The following RHBDD1 variants were observed in gnomAD, a reference collection of about 807,000 sequenced individuals.
RHBDD1 encodes rhomboid domain containing 1.
In RHBDD1, 38 loss-of-function variants were observed where a neutral mutation model predicts 36.3. The observed-to-expected ratio is 1.05, with a 90% CI of 0.81 to 1.37. RHBDD1 has a LOEUF of 1.37. Ranked by LOEUF, RHBDD1 falls within the 40% of genes most tolerant of loss-of-function variation. The pLI is 0.00. For synonymous variants in RHBDD1, 151 were observed against 136.5 expected, an observed-to-expected ratio of 1.11 and a Z score of -0.74; for missense variants, 393 against 377.6, an observed-to-expected ratio of 1.04 and a Z score of -0.34.
At chr2:226,970,046 C>T (rs1191770865) in intron 8 of RHBDD1, among the ~76,000 whole-genome samples, 2 of 130,820 alleles carry the variant, frequency 1.5e-5, no homozygotes, top group African/African-American at 2.9e-5. Context: ...CTGGTCACAT[C>T]GTCATCCCAG....
At position 226,969,213 on chromosome 2, in the gene RHBDD1, CAGAG is replaced by C. The variant is rs542918880; in HGVS notation, c.857-26215_857-26212del. On this transcript the variant is annotated intron_variant, in intron 8 of 8. Transcript: ENST00000392062. ...TAAAAACCGAAGGCTCGGCCGGTAA[CAGAG>C]AGCCTGATTGTTGCAGACTTTGTCT... 5.9e-5 allele frequency: 9 copies of C among 152,196 alleles called. No homozygotes were observed. In the South Asian group the frequency reaches 1.2e-3, roughly 21 times the overall value. 9.4% of individuals were successfully genotyped at this position (152,196 alleles called of 1,614,324 possible).
chr2:226,807,120 A>G, the RHBDD1 span, among the ~76,000 whole-genome samples: 1 of 152,236 alleles, frequency 6.6e-6, no homozygotes, highest in Non-Finnish European at 1.5e-5. Context: ...AATTAAGAAC[A>G]CTGAATGTGA....
chr2:226,898,187 A>T (rs901858247), intron 5 of RHBDD1, among the ~76,000 whole-genome samples: 1 of 152,166 alleles, frequency 6.6e-6, no homozygotes, highest in African/African-American at 2.4e-5. Flanking sequence ...TTTGGAGGGG[A>T]CAAACCTCAA....
intron 8 of RHBDD1, among the ~76,000 whole-genome samples, chr2:226,933,142 C>G (rs537097465): frequency 2.6e-5 from 4 of 152,128 alleles, no homozygotes; most frequent in African/African-American, 9.6e-5. Context: ...TGGAAGAAAC[C>G]GCCCCTGTGA....
At chr2:226,939,337 C>T (rs1950530873) in intron 8 of RHBDD1, among the ~76,000 whole-genome samples, 1 of 152,168 alleles carries the variant, frequency 6.6e-6, no homozygotes, top group Admixed American at 6.6e-5. Context: ...GTCAAACTAT[C>T]TTTGTTTGTA....
At chr2:226,904,421 G>GT (rs1251601003) in intron 5 of RHBDD1, among the ~76,000 whole-genome samples, 10 of 148,434 alleles carry the variant, frequency 6.7e-5, no homozygotes, top group East Asian at 4.0e-4. Flanking sequence ...AAGCGGGGGG[G>GT]GAGGGGGGTC....
intron 8 of RHBDD1, among the ~76,000 whole-genome samples, chr2:226,957,871 A>G (rs1225593183): frequency 6.6e-6 from 1 of 151,960 alleles, no homozygotes; most frequent in African/African-American, 2.4e-5. Context: ...TAGGATGGCT[A>G]TAGTAATTAT....
chr2:226,833,898 CTT>C (rs1406679670), upstream of RHBDD1, among the ~76,000 whole-genome samples: 1 of 152,098 alleles, frequency 6.6e-6, no homozygotes, highest in Non-Finnish European at 1.5e-5. Flanking sequence ...TCAACAGAAA[CTT>C]TTAAAAAACC....
rs143233613 is a variant in RHBDD1 at position 226,838,555 on chromosome 2, C to T, written c.-310+401C>T. The stretch of plus-strand genomic sequence containing the variant: ...CAGGCCATTGAATTAAATGAAATAA[C>T]GCATAAAACACGTCCACCTTGTTTT... On this transcript the variant is annotated intron_variant, in intron 2 of 8. Coordinates refer to ENST00000392062, the MANE Select transcript of RHBDD1 (RefSeq NM_001167608.3). Among the ~76,000 whole-genome samples the T allele has an allele frequency of 1.9e-3, 283 of 152,224 alleles. 2 individuals carry two copies. The highest frequency in any genetic ancestry group is 0.014 in the Middle Eastern group (4 of 294).
chr2:226,815,968 T>G, the RHBDD1 span, among the ~76,000 whole-genome samples: 1 of 152,248 alleles, frequency 6.6e-6, no homozygotes, highest in Non-Finnish European at 1.5e-5. Flanking sequence ...GGTTTTCTTA[T>G]GAATTGCCCC....
chr2:226,869,308 T>A (rs1057419526), intron 5 of RHBDD1: 1 of 389,518 alleles, frequency 2.6e-6, no homozygotes. Flanking sequence ...ATGATAAACT[T>A]CTAATATACA....
chr2:226,867,063 T>C, intron 4 of RHBDD1, 123 bp from the exon 5 acceptor site: 1 of 993,668 alleles, frequency 1.0e-6, no homozygotes, highest in Non-Finnish European at 1.5e-6. Context: ...ATAGGGTATG[T>C]TTTAAAGCAC....
chr2:226,962,208 A>G (rs1320126752), intron 8 of RHBDD1, among the ~76,000 whole-genome samples: 2 of 152,254 alleles, frequency 1.3e-5, no homozygotes, highest in Non-Finnish European at 2.9e-5. Context: ...ATGCCTAAGC[A>G]AGAAAGAAAA....
rs1959676545 is a variant in RHBDD1 at position 226,997,385 on chromosome 2, C to T, written c.*1863C>T. 6.6e-6 allele frequency: 1 copy of T among 152,202 alleles called. No individual in the cohort carries two copies. Among genetic ancestry groups the T allele is most frequent in the Non-Finnish European group, 1.5e-5 (1 of 68,050 alleles). The allele number at this position is 152,202 out of a possible 1,614,324, so 9.4% of individuals were successfully genotyped here. On this transcript the variant is annotated 3_prime_UTR_variant, in exon 9 of 9. Coordinates refer to ENST00000392062, the MANE Select transcript of RHBDD1 (RefSeq NM_001167608.3). ...ATAGCATTTGGTAATTCTGCTATAA[C>T]ACATCTTGCCCCTATTATTAACTGT...
At chr2:226,812,677 T>C in the RHBDD1 span, among the ~76,000 whole-genome samples, 2 of 151,756 alleles carry the variant, frequency 1.3e-5, no homozygotes, top group African/African-American at 2.4e-5. Context: ...TGTATGCTTT[T>C]ATATACACAG....
intron 4 of RHBDD1, among the ~76,000 whole-genome samples, chr2:226,866,406 T>G (rs1486213732): frequency 1.3e-5 from 2 of 152,160 alleles, no homozygotes; most frequent in African/African-American, 4.8e-5. Flanking sequence ...GTAGTTTTTT[T>G]TCTGACCACC....
intron 8 of RHBDD1, among the ~76,000 whole-genome samples, chr2:226,928,143 G>GT (rs1949789226): frequency 6.6e-6 from 1 of 151,984 alleles, no homozygotes. Context: ...ACCAAAGTTT[G>GT]TTTTTTGCTT....
At chr2:226,811,451 A>G in the RHBDD1 span, among the ~76,000 whole-genome samples, 1 of 152,052 alleles carries the variant, frequency 6.6e-6, no homozygotes, top group Non-Finnish European at 1.5e-5. Context: ...ACAGGTGTGC[A>G]CCACCATGCC....
chr2:226,947,902 C>A lies in RHBDD1; in HGVS notation c.856+33551C>A, dbSNP rs1212030722. Among the ~76,000 whole-genome samples, 29 of 151,976 alleles carry A rather than the reference C, an allele frequency of 1.9e-4. No individual in the cohort carries two copies. The East Asian group carries it at 3.9e-3, about 20-fold the overall frequency. On this transcript the variant is annotated intron_variant, in intron 8 of 8. Coordinates refer to ENST00000392062, the MANE Select transcript of RHBDD1 (RefSeq NM_001167608.3). ...ACACCAGTTAGAATGGCAATCATTA[C>A]AAAGTCAGGAAACAACAGGTGCTGG...
Sources: gnomAD v4.1 joint callset for allele counts (sites outside exome capture counted in the v4.1 genomes callset) on GRCh38, gnomAD v4.1.1 for gene constraint, MANE v1.5 for transcripts, NCBI Gene and HGNC (gene_info 2026-07-23, HGNC 2026-07-21) for gene names.